The following DOCK9 variants were observed in gnomAD, a reference collection of about 807,000 sequenced individuals.
DOCK9 encodes dedicator of cytokinesis 9.
DOCK9 carries 89 observed loss-of-function variants against 263.3 expected under a neutral mutation model. That is an observed-to-expected ratio of 0.34 (90% CI 0.28 to 0.40). The LOEUF is 0.40. Among genes scored for constraint, DOCK9 ranks in the 10% least tolerant of loss-of-function variants. The pLI is 1.00. For synonymous variants in DOCK9, 976 were observed against 973.1 expected, an observed-to-expected ratio of 1.00 and a Z score of -0.06; for missense variants, 2,140 against 2,603.4, an observed-to-expected ratio of 0.82 and a Z score of 3.87.
intron 1 of DOCK9, among the ~76,000 whole-genome samples, chr13:99,012,734 TG>T (rs1884724912): frequency 6.6e-6 from 1 of 152,194 alleles, no homozygotes; most frequent in African/African-American, 2.4e-5. Flanking sequence ...TCATTACCAC[TG>T]CAAGCCCAGG....
chr13:98,881,924 G>T lies in DOCK9; in HGVS notation c.2643C>A (p.Ala881=). 1.3e-6 allele frequency: 2 copies of T among 1,594,616 alleles called. No homozygotes were observed. The highest frequency in any genetic ancestry group is 2.3e-5 in the East Asian group (1 of 44,140). The stretch of plus-strand genomic sequence containing the variant: ...CGTTAACCGCGACTTCTTCCTGTGT[G>T]GCTCTGGTGAGGACTCGGAACAGCT... ...LNQLFRVLTR[A]TQEEVAVNVT... is the part of the protein sequence containing the mutation. Residue 881 remains alanine, a synonymous_variant, in exon 24 of 53, where the codon GCC becomes GCA. Transcript: ENST00000682017.
In DOCK9 at chr13:99,079,499, G is replaced by A. The variant is rs189683347; in HGVS notation, c.129+6724C>T. 3.7e-3 allele frequency among the ~76,000 whole-genome samples: 568 copies of A among 152,302 alleles called. 5 individuals are homozygous for A. Among genetic ancestry groups the A allele is most frequent in the Non-Finnish European group, 6.0e-3 (406 of 68,026 alleles). ...TCAAGATAATCAATCTTCTCCTTTAGTAACATAATAAGAGCTTGCATTTGC... is the reference window on the plus strand; with the variant it reads ...TCAAGATAATCAATCTTCTCCTTTAATAACATAATAAGAGCTTGCATTTGC... On this transcript the variant is annotated intron_variant, in intron 1 of 32. Transcript: ENST00000427887.
At chr13:98,794,835 A>C (rs2089152575) in intron 52 of DOCK9, 87 bp from the exon 53 acceptor site, 4 of 1,445,402 alleles carry the variant, frequency 2.8e-6, no homozygotes, top group Non-Finnish European at 3.8e-6. Flanking sequence ...CAATGTTACC[A>C]AGTGTAACAA....
At chr13:99,003,086 C>T (rs1391201215) in intron 1 of DOCK9, among the ~76,000 whole-genome samples, 1 of 152,194 alleles carries the variant, frequency 6.6e-6, no homozygotes, top group Admixed American at 6.5e-5. Flanking sequence ...CCCCAGTCTA[C>T]TACACAAGCC....
chr13:98,940,210 C>T (rs1027467762), intron 2 of DOCK9, among the ~76,000 whole-genome samples: 4 of 152,168 alleles, frequency 2.6e-5, no homozygotes, highest in Non-Finnish European at 4.4e-5. Flanking sequence ...GTTCTATTAA[C>T]ATCAGACAAA....
intron 34 of DOCK9, among the ~76,000 whole-genome samples, chr13:98,854,056 A>T (rs1273403330): frequency 3.3e-5 from 5 of 152,114 alleles, no homozygotes; most frequent in Non-Finnish European, 7.4e-5. Flanking sequence ...CAGGGAACAC[A>T]ATAGGCAGGT....
chr13:99,066,133 A>G (rs1365646640), intron 1 of DOCK9, among the ~76,000 whole-genome samples: 1 of 152,234 alleles, frequency 6.6e-6, no homozygotes, highest in Non-Finnish European at 1.5e-5. Flanking sequence ...AAGTGTACAC[A>G]TCTTTATCTA....
intron 11 of DOCK9, 139 bp from the exon 12 acceptor site, chr13:98,902,630 CAGAG>C: frequency 1.3e-6 from 1 of 781,926 alleles, no homozygotes; most frequent in Non-Finnish European, 2.0e-6. Context: ...CTTCTGCATA[CAGAG>C]AATTAGCTTA....
At chr13:99,031,054 T>C (rs1025389050) in intron 1 of DOCK9, among the ~76,000 whole-genome samples, 6 of 151,534 alleles carry the variant, frequency 4.0e-5, no homozygotes, top group African/African-American at 1.2e-4. Context: ...ATGTAAATTA[T>C]CTCAAAAAAA....
chr13:98,897,851 T>G (rs899475277), intron 14 of DOCK9, among the ~76,000 whole-genome samples: 1 of 152,152 alleles, frequency 6.6e-6, no homozygotes, highest in East Asian at 1.9e-4. Context: ...AGTCAAATGC[T>G]TAACAAGTAG....
intron 30 of DOCK9, 38 bp from the exon 31 acceptor site, chr13:98,863,586 T>C: frequency 1.9e-6 from 3 of 1,551,812 alleles, no homozygotes; most frequent in South Asian, 1.2e-5. Flanking sequence ...TTAGGAAAGA[T>C]GCAATGCTCT....
intron 38 of DOCK9, among the ~76,000 whole-genome samples, chr13:98,841,773 C>T (rs1255084935): frequency 6.6e-6 from 1 of 151,624 alleles, no homozygotes; most frequent in Non-Finnish European, 1.5e-5. Context: ...AGGCATGCAC[C>T]ACCATGCCCA....
At chr13:98,877,997 C>T (rs1354757021) in intron 27 of DOCK9, among the ~76,000 whole-genome samples, 1 of 152,150 alleles carries the variant, frequency 6.6e-6, no homozygotes. Context: ...CTAACACTTC[C>T]GAATATGGCT....
intron 2 of DOCK9, among the ~76,000 whole-genome samples, chr13:98,939,334 A>T (rs1421956805): frequency 1.3e-5 from 2 of 152,104 alleles, no homozygotes; most frequent in Non-Finnish European, 2.9e-5. Flanking sequence ...GTCCACAGTG[A>T]CCACCTGTTA....
At chr13:99,087,076 G>C (rs948316942), upstream of DOCK9, among the ~76,000 whole-genome samples, 1 of 147,184 alleles carries the variant, frequency 6.8e-6, no homozygotes, top group Non-Finnish European at 1.5e-5. Context: ...GCCTCTGCGG[G>C]GACAGAGGTC....
At position 98,823,129 on chromosome 13, in the gene DOCK9, C is replaced by CA. The variant is rs5806074; in HGVS notation, c.5130+1268dup. On this transcript the variant is annotated intron_variant, in intron 45 of 52. Transcript: ENST00000682017. ...TGTAAATAAAAAAGGATATTTTTTC[C>CA]AAAAAAAAAAAGAGTGAAGAGTAGT... Among the ~76,000 whole-genome samples the CA allele has an allele frequency of 1.3e-3, 178 of 140,778 alleles. 1 individual carries two copies. Among genetic ancestry groups the CA allele is most frequent in the East Asian group, 3.3e-3 (16 of 4,914 alleles). The allele number at this position is 140,778 out of a possible 152,430, so 92.4% of individuals were successfully genotyped here. A position where few individuals can be genotyped will look rare whatever the true frequency, so the allele number is the denominator to read the frequency against.
At chr13:99,060,477 T>C (rs1203411962) in intron 1 of DOCK9, among the ~76,000 whole-genome samples, 1 of 152,224 alleles carries the variant, frequency 6.6e-6, no homozygotes, top group African/African-American at 2.4e-5. Flanking sequence ...GATATATAAC[T>C]AGGAGTGGAA....
chr13:98,912,733 T>C (rs1299565633), intron 9 of DOCK9, among the ~76,000 whole-genome samples: 1 of 152,140 alleles, frequency 6.6e-6, no homozygotes, highest in Admixed American at 6.6e-5. Context: ...GGAAAAAGCA[T>C]AGATTTTTAA....
In DOCK9 at chr13:99,067,818, C is replaced by G. The variant is rs141105456; in HGVS notation, c.129+18405G>C. Among the ~76,000 whole-genome samples, 20 of 151,798 alleles carry G rather than the reference C, an allele frequency of 1.3e-4. No individual in the cohort carries two copies. In the East Asian group the frequency reaches 3.5e-3, roughly 26 times the overall value. On this transcript the variant is annotated intron_variant, in intron 1 of 32. Transcript: ENST00000427887. ...GTAGGGCTGCTTCGGGGCCCATTGC[C>G]CAGGGTGGAGGATATCCAAGATGCC...
Sources: gnomAD v4.1 joint callset for allele counts (sites outside exome capture counted in the v4.1 genomes callset) on GRCh38, gnomAD v4.1.1 for gene constraint, MANE v1.5 for transcripts, NCBI Gene and HGNC (gene_info 2026-07-23, HGNC 2026-07-21) for gene names.